Variants in DSG1 observed in about 807,000 individuals in gnomAD.
DSG1 encodes the protein desmoglein 1.
A neutral mutation model predicts 97.5 loss-of-function variants in DSG1; 39 were observed. The ratio of observed to expected loss-of-function variants is 0.40; its 90% confidence interval spans 0.31 to 0.52. DSG1 has a LOEUF of 0.52. Among genes scored for constraint, DSG1 ranks in the 20% least tolerant of loss-of-function variants. The pLI is 0.53. For missense variants in DSG1, 1,311 were observed against 1,295.4 expected (o/e 1.01, Z -0.18); for synonymous variants, 475 against 443.4 (o/e 1.07, Z -0.90).
In DSG1 at chr18:31,338,473, T is replaced by A; in HGVS notation, c.1405+19T>A. 1 of 1,609,338 alleles carries A rather than the reference T, an allele frequency of 6.2e-7. No homozygotes were observed. The highest frequency in any genetic ancestry group is 8.5e-7 in the Non-Finnish European group (1 of 1,176,092). ...ATAGATGGTAAGAAATTAATTTACA[T>A]TTTTATCTTTTCTAGAGAAAGCTGT... On this transcript the variant is annotated intron_variant, in intron 10 of 14. Coordinates refer to ENST00000257192, the MANE Select transcript of DSG1 (RefSeq NM_001942.4).
intron 6 of DSG1, 58 bp downstream of exon 6, chr18:31,331,925 G>A (rs1264643088): frequency 1.3e-6 from 2 of 1,518,742 alleles, no homozygotes; most frequent in Admixed American, 3.4e-5. Context: ...CTAAAAGCAA[G>A]GATACTGAAG....
intron 6 of DSG1, among the ~76,000 whole-genome samples, chr18:31,332,925 GC>G (rs1568041946): frequency 6.6e-6 from 1 of 152,142 alleles, no homozygotes; most frequent in Non-Finnish European, 1.5e-5. Flanking sequence ...GTAAGAAAGG[GC>G]TGTCAGAAGG....
intron 9 of DSG1, among the ~76,000 whole-genome samples, chr18:31,337,418 A>T (rs1036845260): frequency 5.3e-5 from 8 of 151,992 alleles, no homozygotes; most frequent in African/African-American, 1.9e-4. Context: ...TACCACGCCC[A>T]GCTATTTTTG....
At chr18:31,336,669 T>G (rs1568043253) in intron 9 of DSG1, 56 bp downstream of exon 9, 1 of 1,550,936 alleles carries the variant, frequency 6.4e-7, no homozygotes, top group African/African-American at 1.4e-5. Context: ...AGTACATATG[T>G]TCTTTTTATA....
rs1036634537 is a variant in DSG1 at position 31,318,497 on chromosome 18, C to G, written c.48+149C>G. 5 of 734,860 alleles carry G rather than the reference C, an allele frequency of 6.8e-6. No homozygotes were observed. In the Admixed American group the frequency reaches 9.8e-5, roughly 14 times the overall value. 45.5% of individuals were successfully genotyped at this position (734,860 alleles called of 1,614,324 possible). The stretch of plus-strand genomic sequence containing the variant: ...AGATGATTTTATGAACTAGATTTTT[C>G]AATAGCATTTCTCTCTTTAATTGAA... On this transcript the variant is annotated intron_variant, in intron 1 of 14. Coordinates refer to ENST00000257192, the MANE Select transcript of DSG1 (RefSeq NM_001942.4).
At chr18:31,353,751 C>A (rs1172062234) in intron 14 of DSG1, 1 of 160,120 alleles carries the variant, frequency 6.2e-6, no homozygotes, top group African/African-American at 2.4e-5. Flanking sequence ...CGTCCGTCAC[C>A]CCTTTCTTTG....
rs771993939 is a variant in DSG1 at position 31,343,557 on chromosome 18, G to A, written c.1795G>A (p.Val599Ile). 1.2e-6 allele frequency: 2 copies of A among 1,614,122 alleles called. No homozygotes were observed. The highest frequency in any genetic ancestry group is 2.2e-5 in the South Asian group (2 of 91,082). ...CSDGAIHSWA[V>I]EGPQPEPRDI... Reference sequence around the variant, plus strand: ...AGATGGAGCAATTCATTCATGGGCAGTAGAAGGACCACAGCCTGAACCCAG... The same window carrying A: ...AGATGGAGCAATTCATTCATGGGCAATAGAAGGACCACAGCCTGAACCCAG... Residue 599 changes from valine (V) to isoleucine (I), a missense_variant, in exon 12 of 15, where the codon GTA becomes ATA. Val to Ile is a conservative substitution (Grantham distance 29). Transcript: ENST00000257192.
intron 4 of DSG1, among the ~76,000 whole-genome samples, chr18:31,329,014 G>A (rs2071704054): frequency 3.9e-5 from 6 of 152,064 alleles, no homozygotes; most frequent in Admixed American, 3.9e-4. Flanking sequence ...TATGAAAAAG[G>A]CTGAGGCCAT....
chr18:31,335,212 T>C (rs1371833016), intron 8 of DSG1, among the ~76,000 whole-genome samples: 1 of 152,184 alleles, frequency 6.6e-6, no homozygotes, highest in East Asian at 1.9e-4. Context: ...TATTTCCATA[T>C]TGCAGATAAA....
At position 31,358,501 on chromosome 18, in the gene DSG1, A is replaced by G. The variant is rs2071977212; in HGVS notation, c.*3155A>G. ...AAGAAAATGTTCTGACAAAATTTTA[A>G]TTATATGTCTTCAAAAATTACATTT... is the stretch of plus-strand genomic sequence containing the variant. On this transcript the variant is annotated 3_prime_UTR_variant, in exon 15 of 15. Coordinates refer to ENST00000257192, the MANE Select transcript of DSG1 (RefSeq NM_001942.4). Among the ~76,000 whole-genome samples, 1 of 152,046 alleles carries G rather than the reference A, an allele frequency of 6.6e-6. No homozygotes were observed. The highest frequency in any genetic ancestry group is 2.4e-5 in the African/African-American group (1 of 41,452).
Position 31,346,032 on chromosome 18 carries a change from T to C in DSG1, c.1934T>C (p.Leu645Pro), listed in dbSNP as rs779695228. ...TATGGTGGCAGAGAAATGCAAGATC[T>C]GGGAGGAGGAGAGAGAATGACAGGA... ...NEYGGREMQDLGGGERMTGFE... is the reference protein window; with the variant it reads ...NEYGGREMQDPGGGERMTGFE... Residue 645 changes from leucine to proline, a missense_variant, in exon 14 of 15, where the codon CTG (leucine) becomes CCG (proline). Physicochemically the swap from Leu to Pro is moderately conservative, Grantham distance 98 (BLOSUM62 -3). Transcript: ENST00000257192. 2 of 1,613,858 alleles carry C rather than the reference T, an allele frequency of 1.2e-6. No homozygotes were observed. The highest frequency in any genetic ancestry group is 1.7e-6 in the Non-Finnish European group (2 of 1,179,858).
At chr18:31,348,254 T>C (rs1031052217) in intron 14 of DSG1, among the ~76,000 whole-genome samples, 42 of 150,772 alleles carry the variant, frequency 2.8e-4, no homozygotes, top group Admixed American at 6.6e-4. Flanking sequence ...TTACTGAGAA[T>C]GATGATTTCC....
At chr18:31,345,129 TTG>T (rs2071821193) in intron 13 of DSG1, among the ~76,000 whole-genome samples, 1 of 152,160 alleles carries the variant, frequency 6.6e-6, no homozygotes. Context: ...ATTTACACAT[TTG>T]TTCCCATTAA....
At position 31,354,606 on chromosome 18, in the gene DSG1, G is replaced by A. The variant is rs199583514; in HGVS notation, c.2410G>A (p.Gly804Ser). 135 of 1,613,940 alleles carry A rather than the reference G, an allele frequency of 8.4e-5. No individual in the cohort carries two copies. Among genetic ancestry groups the A allele is most frequent in the South Asian group, 2.0e-4 (18 of 91,070 alleles). ...SGHPPISPHF[G>S]TTTVISESTY... The stretch of plus-strand genomic sequence containing the variant: ...ACACCCACCAATCTCCCCACATTTC[G>A]GCACTACCACAGTAATTTCTGAGAG... The change falls in exon 15 of 15, where the codon GGC becomes AGC. Residue 804 changes from glycine (G) to serine (S), a missense_variant. Gly to Ser is a moderately conservative substitution (Grantham distance 56, BLOSUM62 0). Transcript: ENST00000257192.
chr18:31,352,436 C>T (rs1158664027), intron 14 of DSG1, among the ~76,000 whole-genome samples: 1 of 150,808 alleles, frequency 6.6e-6, no homozygotes, highest in Non-Finnish European at 1.5e-5. Context: ...GTGAATCTGA[C>T]AATTATGTGT....
At chr18:31,332,707 A>G (rs1168835814) in intron 6 of DSG1, among the ~76,000 whole-genome samples, 15 of 152,058 alleles carry the variant, frequency 9.9e-5, no homozygotes, top group Admixed American at 9.2e-4. Context: ...CTTGCTGATG[A>G]CTTTTAGGTT....
chr18:31,343,680 G>T, intron 12 of DSG1, 97 bp downstream of exon 12: 1 of 1,560,904 alleles, frequency 6.4e-7, no homozygotes, highest in Non-Finnish European at 8.8e-7. Context: ...AGTCTATGCT[G>T]TTTTTTGTGC....
chr18:31,335,379 C>A (rs1435104164), intron 8 of DSG1, among the ~76,000 whole-genome samples: 1 of 152,222 alleles, frequency 6.6e-6, no homozygotes, highest in South Asian at 2.1e-4. Context: ...GGAGTCTAAT[C>A]TATTTTGCCC....
rs560460776 is a variant in DSG1, at chr18:31,355,846, T to G, written c.*500T>G. The stretch of plus-strand genomic sequence containing the variant: ...GTTAACCATTTTTTTTAAGTTTGAC[T>G]ACATAGTCAAGTCCACAAGCCATCA... On this transcript the variant is annotated 3_prime_UTR_variant, in exon 15 of 15. Coordinates refer to ENST00000257192, the MANE Select transcript of DSG1 (RefSeq NM_001942.4). The G allele has an allele frequency of 5.7e-4, 92 of 161,208 alleles. No homozygotes were observed. Among genetic ancestry groups the G allele is most frequent in the African/African-American group, 2.1e-3 (89 of 41,680 alleles). 10.0% of individuals were successfully genotyped at this position (161,208 alleles called of 1,614,324 possible).
Sources: gnomAD v4.1 joint callset for allele counts (sites outside exome capture counted in the v4.1 genomes callset) on GRCh38, gnomAD v4.1.1 for gene constraint, MANE v1.5 for transcripts, NCBI Gene and HGNC (gene_info 2026-07-23, HGNC 2026-07-21) for gene names.